The following USH2A variants were observed in gnomAD, a reference collection of about 807,000 sequenced individuals.
USH2A encodes Usher syndrome 2A (autosomal recessive, mild).
Under a neutral mutation model 538.9 loss-of-function variants are expected in USH2A, and 443 were observed. That is an observed-to-expected ratio of 0.82 (90% CI 0.76 to 0.89). The LOEUF (loss-of-function observed/expected upper bound fraction) is 0.89. USH2A is among the 40% of genes least tolerant of loss of function. The pLI is 0.00. For missense variants in USH2A, 6,633 were observed against 6,324.8 expected (o/e 1.05, Z -1.65); for synonymous variants, 2,413 against 2,273.5 (o/e 1.06, Z -1.75).
At chr1:216,384,580 T>C (rs2038974154) in intron 3 of USH2A, among the ~76,000 whole-genome samples, 1 of 152,146 alleles carries the variant, frequency 6.6e-6, no homozygotes, top group South Asian at 2.1e-4. Context: ...GCACACCCTT[T>C]GAATCAGCTG....
intron 21 of USH2A, among the ~76,000 whole-genome samples, chr1:216,105,913 T>G (rs2032719164): frequency 6.6e-6 from 1 of 151,802 alleles, no homozygotes; most frequent in African/African-American, 2.4e-5. Context: ...GTTCAATTAA[T>G]TTTGTTTATA....
At chr1:216,283,059 T>C (rs143583473) in intron 11 of USH2A, among the ~76,000 whole-genome samples, 223 of 152,314 alleles carry the variant, frequency 1.5e-3, no homozygotes, top group African/African-American at 4.9e-3. Flanking sequence ...GATATTGTAC[T>C]CTGCAACCTT....
At chr1:216,094,494 T>A (rs1204238661) in intron 22 of USH2A, among the ~76,000 whole-genome samples, 1 of 152,144 alleles carries the variant, frequency 6.6e-6, no homozygotes, top group African/African-American at 2.4e-5. Flanking sequence ...TTGCTATACT[T>A]CTCTTCTATT....
At position 215,970,766 on chromosome 1, in the gene USH2A, C is replaced by T. The variant is rs946614191; in HGVS notation, c.6816G>A (p.Thr2272=). 9 of 1,613,208 alleles carry T rather than the reference C, an allele frequency of 5.6e-6. No individual in the cohort carries two copies. The highest frequency in any genetic ancestry group is 2.7e-5 in the African/African-American group (2 of 74,860). Residue 2272 remains threonine (T), a synonymous_variant, in exon 36 of 72, where the codon ACG becomes ACA. Coordinates refer to ENST00000307340, the MANE Select transcript of USH2A (RefSeq NM_206933.4). ...TEPEYPNGVI[T]SYGLYLDGIL... is the part of the protein sequence containing the mutation. ...TACCATCTAGATATAATCCATAACT[C>T]GTGATAACACCTGGGAAGATAATAA...
At chr1:215,995,295 A>G (rs1212436501) in intron 34 of USH2A, among the ~76,000 whole-genome samples, 2 of 152,214 alleles carry the variant, frequency 1.3e-5, no homozygotes, top group African/African-American at 2.4e-5. Context: ...CTTGACAAAG[A>G]AATCTCTTAA....
rs140695875 is a variant in USH2A, at chr1:215,910,479, T to C, written c.7301-9574A>G. 4.2e-3 allele frequency among the ~76,000 whole-genome samples: 646 copies of C among 152,048 alleles called. 5 individuals carry two copies. Among genetic ancestry groups the C allele is most frequent in the African/African-American group, 0.014 (596 of 41,522 alleles). ...AAAGATTAAGATGGTATATATTTCA[T>C]AGAGTGTGGTTGGGAGGATTAAATA... On this transcript the variant is annotated intron_variant, in intron 38 of 71. Coordinates refer to ENST00000307340, the MANE Select transcript of USH2A (RefSeq NM_206933.4).
intron 9 of USH2A, among the ~76,000 whole-genome samples, chr1:216,301,098 A>G (rs952220865): frequency 6.6e-6 from 1 of 152,162 alleles, no homozygotes; most frequent in Non-Finnish European, 1.5e-5. Context: ...TTACAGAGAA[A>G]GTAGAAACTT....
intron 11 of USH2A, among the ~76,000 whole-genome samples, chr1:216,270,559 A>G (rs2036555160): frequency 2.0e-5 from 3 of 152,084 alleles, no homozygotes; most frequent in Admixed American, 2.0e-4. Context: ...GAAAGGTCAT[A>G]CTACACTAGC....
rs983955525 is a variant in USH2A, at chr1:216,146,710, AC to A, written c.4627+28541del. Among the ~76,000 whole-genome samples the A allele has an allele frequency of 1.0e-4, 15 of 149,788 alleles. 1 individual carries two copies. The highest frequency in any genetic ancestry group is 8.7e-4 in the Admixed American group (13 of 15,014). ...CCCAATCCCTTATTTCCGTGTCCCA[AC>A]CCCCTCTCTGCTTTTCTGGAGGGCA... On this transcript the variant is annotated intron_variant, in intron 21 of 71. Transcript: ENST00000307340.
At chr1:215,779,785 C>T in intron 55 of USH2A, 58 bp downstream of exon 55, 1 of 1,598,092 alleles carries the variant, frequency 6.3e-7, no homozygotes, top group East Asian at 2.2e-5. Context: ...ATGCTTTGCC[C>T]CCCTAACCAC....
intron 11 of USH2A, among the ~76,000 whole-genome samples, chr1:216,268,540 A>C (rs1237258628): frequency 6.6e-6 from 1 of 152,136 alleles, no homozygotes; most frequent in Admixed American, 6.6e-5. Context: ...CAAGTGATTG[A>C]TAGTCAAACT....
At chr1:215,789,480 G>A (rs752308422) in intron 51 of USH2A, among the ~76,000 whole-genome samples, 8 of 152,124 alleles carry the variant, frequency 5.3e-5, no homozygotes, top group African/African-American at 1.2e-4. Context: ...CCTGGGTCAA[G>A]TTTAATACCC....
chr1:216,050,662 T>G (rs1400582357), intron 30 of USH2A, among the ~76,000 whole-genome samples: 1 of 146,268 alleles, frequency 6.8e-6, no homozygotes, highest in Non-Finnish European at 1.5e-5. Context: ...TGGAGTGCTG[T>G]GGTGCGATCT....
intron 6 of USH2A, 69 bp downstream of exon 6, chr1:216,325,236 C>T: frequency 2.0e-6 from 3 of 1,524,712 alleles, no homozygotes; most frequent in Non-Finnish European, 2.7e-6. Flanking sequence ...TGTTTTAAGA[C>T]ATGAAGTTTG....
At chr1:215,886,835 C>T (rs1427990484) in intron 41 of USH2A, among the ~76,000 whole-genome samples, 2 of 152,284 alleles carry the variant, frequency 1.3e-5, no homozygotes, top group East Asian at 3.9e-4. Context: ...GAATTGTACA[C>T]TGAGTTCCTC....
intron 4 of USH2A, among the ~76,000 whole-genome samples, chr1:216,346,576 C>A (rs2038179509): frequency 1.3e-5 from 2 of 152,018 alleles, no homozygotes; most frequent in South Asian, 4.1e-4. Flanking sequence ...ATCAGAGAAG[C>A]ATGCTCTTGG....
At chr1:216,362,454 T>C (rs1341819730) in intron 4 of USH2A, among the ~76,000 whole-genome samples, 2 of 152,098 alleles carry the variant, frequency 1.3e-5, no homozygotes, top group African/African-American at 2.4e-5. Context: ...AGTTAGTGTT[T>C]AAGGAAACAA....
chr1:216,153,493 A>C (rs2033880443), intron 21 of USH2A, among the ~76,000 whole-genome samples: 1 of 152,236 alleles, frequency 6.6e-6, no homozygotes, highest in South Asian at 2.1e-4. Context: ...ACTGGAGCCC[A>C]ATTATATTCC....
At chr1:215,815,118 AT>A (rs5780855) in intron 48 of USH2A, among the ~76,000 whole-genome samples, 11 of 150,842 alleles carry the variant, frequency 7.3e-5, no homozygotes, top group African/African-American at 2.2e-4. Flanking sequence ...GAACTTTACA[AT>A]TTTTTTTTTG....
Sources: allele counts gnomAD v4.1 joint callset (sites outside exome capture counted in the v4.1 genomes callset), GRCh38; gene constraint gnomAD v4.1.1; transcripts MANE v1.5; gene names NCBI Gene and HGNC (gene_info 2026-07-23, HGNC 2026-07-21).